SENP6: variants seen among roughly 807,000 people sequenced by gnomAD.
SENP6 encodes the protein SUMO specific peptidase 6.
Under a neutral mutation model 134.5 loss-of-function variants are expected in SENP6, and 41 were observed. The observed-to-expected ratio is 0.30, with a 90% confidence interval of 0.24 to 0.40. The LOEUF (loss-of-function observed/expected upper bound fraction) is 0.40. Ranked by LOEUF, SENP6 falls within the 10% of genes least tolerant of loss-of-function variation. The pLI is 1.00. For synonymous variants in SENP6, 395 were observed against 429.8 expected (o/e 0.92, Z 1.00); for missense variants, 1,248 against 1,312.5 (o/e 0.95, Z 0.76).
intron 3 of SENP6, among the ~76,000 whole-genome samples, chr6:75,624,492 G>T (rs1010926842): frequency 1.3e-5 from 2 of 152,038 alleles, no homozygotes; most frequent in Non-Finnish European, 2.9e-5. Context: ...TGGCATACCA[G>T]ATTTACACTT....
Position 75,713,596 on chromosome 6 carries a change from T to A in SENP6, c.2978+15T>A, listed in dbSNP as rs541083120. 6.2e-6 allele frequency: 10 copies of A among 1,611,270 alleles called. No individual in the cohort carries two copies. Among genetic ancestry groups the A allele is most frequent in the Non-Finnish European group, 8.5e-6 (10 of 1,177,674 alleles). On this transcript the variant is annotated intron_variant, in intron 22 of 23. Coordinates refer to ENST00000447266, the MANE Select transcript of SENP6 (RefSeq NM_015571.4). ...ATTTTAAGAGAGTAAGTTCACACTT[T>A]ATTTCGTATTCTGATGGGGATGAAG...
intron 5 of SENP6, among the ~76,000 whole-genome samples, chr6:75,638,873 C>T (rs1769810547): frequency 6.6e-6 from 1 of 151,578 alleles, no homozygotes; most frequent in East Asian, 1.9e-4. Flanking sequence ...GCCTTACCAA[C>T]ATGGCGAAAT....
In SENP6 at chr6:75,717,659, T is replaced by G. The variant is rs1352581076; in HGVS notation, c.*2065T>G. The G allele has an allele frequency of 1.3e-5, 2 of 152,170 alleles. No homozygotes were observed. The highest frequency in any genetic ancestry group is 4.8e-5 in the African/African-American group (2 of 41,464). 9.4% of individuals were successfully genotyped at this position (152,170 alleles called of 1,614,324 possible). On this transcript the variant is annotated 3_prime_UTR_variant, in exon 24 of 24. Coordinates refer to ENST00000447266, the MANE Select transcript of SENP6 (RefSeq NM_015571.4). ...TATATGCACATTCACTTGATAATTG[T>G]GTATTCTATGTAGTTTAAAGTGGGA... is the stretch of plus-strand genomic sequence containing the variant.
intron 11 of SENP6, among the ~76,000 whole-genome samples, chr6:75,671,759 G>A (rs1772694623): frequency 6.6e-6 from 1 of 152,100 alleles, no homozygotes; most frequent in Non-Finnish European, 1.5e-5. Flanking sequence ...ATCACAGCAG[G>A]AAAGTTGTAA....
intron 18 of SENP6, chr6:75,698,020 C>T (rs1774771735): frequency 6.6e-6 from 1 of 152,474 alleles, no homozygotes; most frequent in Non-Finnish European, 1.5e-5. Flanking sequence ...CTCCCAATGA[C>T]TAGATAGTAG....
chr6:75,646,414 T>G (rs1770442055), intron 6 of SENP6: 5 of 152,248 alleles, frequency 3.3e-5, no homozygotes, highest in Admixed American at 3.3e-4. Flanking sequence ...TTGATTAACC[T>G]TATTGCATTT....
intron 6 of SENP6, among the ~76,000 whole-genome samples, chr6:75,645,922 G>A (rs932047887): frequency 4.6e-5 from 7 of 152,182 alleles, no homozygotes; most frequent in African/African-American, 7.2e-5. Flanking sequence ...TGGTAAGATT[G>A]TAGCTATCAT....
chr6:75,658,989 AAAAAAAAAAAAG>A (rs1402134437), intron 7 of SENP6, among the ~76,000 whole-genome samples: 4 of 150,118 alleles, frequency 2.7e-5, no homozygotes, highest in East Asian at 3.9e-4. Context: ...AAAAAAAAAA[AAAAAAAAAAAAG>A]GGGAATTGTG....
At chr6:75,667,708 C>T (rs557399888) in intron 10 of SENP6, among the ~76,000 whole-genome samples, 1 of 152,208 alleles carries the variant, frequency 6.6e-6, no homozygotes, top group East Asian at 1.9e-4. Flanking sequence ...TACTATTTGA[C>T]CAAATAATTA....
In SENP6 at chr6:75,715,653, A is replaced by G. The variant is rs548496220; in HGVS notation, c.*59A>G. 44 of 1,358,032 alleles carry G rather than the reference A, an allele frequency of 3.2e-5. No individual in the cohort carries two copies. In the East Asian group the frequency reaches 8.3e-4, roughly 26 times the overall value. The allele number at this position is 1,358,032 out of a possible 1,614,324, so 84.1% of individuals were successfully genotyped here. A position where few individuals can be genotyped will look rare whatever the true frequency, so the allele number is the denominator to read the frequency against. On this transcript the variant is annotated 3_prime_UTR_variant, in exon 24 of 24. Coordinates refer to ENST00000447266, the MANE Select transcript of SENP6 (RefSeq NM_015571.4). ...AACTAAATGACTTTCAAATTTGGGT[A>G]TAGACAATAAAGAACTGAAGTGCTC... is the stretch of plus-strand genomic sequence containing the variant.
intron 6 of SENP6, among the ~76,000 whole-genome samples, chr6:75,644,391 A>G (rs902160385): frequency 2.0e-5 from 3 of 152,134 alleles, no homozygotes; most frequent in African/African-American, 7.2e-5. Context: ...CTAAGGAGAC[A>G]TGATGACTTA....
intron 7 of SENP6, among the ~76,000 whole-genome samples, chr6:75,654,774 C>T (rs904294693): frequency 2.6e-5 from 4 of 152,116 alleles, no homozygotes; most frequent in African/African-American, 9.7e-5. Context: ...GAAAGTTAAG[C>T]CTCTTCCTTA....
chr6:75,611,691 T>G (rs1767462317), intron 1 of SENP6: 1 of 152,242 alleles, frequency 6.6e-6, no homozygotes, highest in African/African-American at 2.4e-5. Flanking sequence ...GAGATAAGTG[T>G]ATTTTTAAGA....
chr6:75,607,307 A>G (rs1476618453), intron 1 of SENP6, among the ~76,000 whole-genome samples: 1 of 152,166 alleles, frequency 6.6e-6, no homozygotes, highest in Non-Finnish European at 1.5e-5. Context: ...CACCCAAAAA[A>G]AAAAAGGTCA....
At chr6:75,625,294 TA>T (rs1255091554) in intron 3 of SENP6, among the ~76,000 whole-genome samples, 2 of 151,798 alleles carry the variant, frequency 1.3e-5, no homozygotes, top group Non-Finnish European at 2.9e-5. Flanking sequence ...TTTTTATTTT[TA>T]TTAGAGACCG....
chr6:75,608,207 A>C (rs1009745655), intron 1 of SENP6, among the ~76,000 whole-genome samples: 2 of 152,102 alleles, frequency 1.3e-5, no homozygotes, highest in African/African-American at 4.8e-5. Flanking sequence ...TGTTATCCTG[A>C]GATAACACTT....
intron 6 of SENP6, among the ~76,000 whole-genome samples, chr6:75,641,994 A>C (rs959924207): frequency 1.3e-5 from 2 of 152,086 alleles, no homozygotes; most frequent in Non-Finnish European, 2.9e-5. Context: ...AATATTTTGA[A>C]TTGCTATGTG....
chr6:75,713,497 C>A lies in SENP6; in HGVS notation c.2910-16C>A, dbSNP rs757978880. 7 of 1,603,342 alleles carry A rather than the reference C, an allele frequency of 4.4e-6. No homozygotes were observed. In the African/African-American group the frequency reaches 9.4e-5, roughly 22 times the overall value. ...TATTATGAAGTATTCGACTTTTGGTCATTTTTACCCTGCAGACCTTGTATC... is the reference window on the plus strand; with the variant it reads ...TATTATGAAGTATTCGACTTTTGGTAATTTTTACCCTGCAGACCTTGTATC... On this transcript the variant is annotated splice_polypyrimidine_tract_variant and intron_variant, in intron 21 of 23. Coordinates refer to ENST00000447266, the MANE Select transcript of SENP6 (RefSeq NM_015571.4).
At chr6:75,684,262 T>G (rs563400983) in intron 16 of SENP6, among the ~76,000 whole-genome samples, 1 of 152,232 alleles carries the variant, frequency 6.6e-6, no homozygotes, top group Non-Finnish European at 1.5e-5. Context: ...CCTGAGACTT[T>G]GCTGAAGTTG....
Sources: allele counts gnomAD v4.1 joint callset (sites outside exome capture counted in the v4.1 genomes callset), GRCh38; gene constraint gnomAD v4.1.1; transcripts MANE v1.5; gene names NCBI Gene and HGNC (gene_info 2026-07-23, HGNC 2026-07-21).